Variants in PCDH9 observed in about 807,000 individuals in gnomAD.
The protein encoded by PCDH9 is protocadherin 9.
In PCDH9, 24 loss-of-function variants were observed where a neutral mutation model predicts 70.6. The ratio of observed to expected loss-of-function variants is 0.34; its 90% CI spans 0.25 to 0.48. The LOEUF is 0.48. Among genes scored for constraint, PCDH9 ranks in the 20% least tolerant of loss-of-function variants. The pLI, the probability that PCDH9 is intolerant of heterozygous loss-of-function variation, is 0.99. For synonymous variants in PCDH9, 562 were observed against 558.5 expected (o/e 1.01, Z -0.09); for missense variants, 1,281 against 1,503.6 (o/e 0.85, Z 2.45).
chr13:66,401,191 C>T (rs1039178657), intron 4 of PCDH9, among the ~76,000 whole-genome samples: 1 of 152,012 alleles, frequency 6.6e-6, no homozygotes, highest in Non-Finnish European at 1.5e-5. Context: ...GTGTCCCCAC[C>T]CAAATCTCAT....
At chr13:67,143,625 A>G (rs2087450934) in intron 2 of PCDH9, among the ~76,000 whole-genome samples, 1 of 152,172 alleles carries the variant, frequency 6.6e-6, no homozygotes, top group Non-Finnish European at 1.5e-5. Flanking sequence ...TATTGAAAAA[A>G]GTAGGAGAGC....
intron 2 of PCDH9, among the ~76,000 whole-genome samples, chr13:67,200,120 A>T (rs1359038389): frequency 6.6e-6 from 1 of 152,096 alleles, no homozygotes; most frequent in Non-Finnish European, 1.5e-5. Flanking sequence ...ATCCTTAAAA[A>T]ATGGGACACT....
At chr13:66,836,008 CAA>C (rs923855585) in intron 3 of PCDH9, among the ~76,000 whole-genome samples, 7 of 151,772 alleles carry the variant, frequency 4.6e-5, no homozygotes, top group African/African-American at 1.7e-4. Context: ...TGAGAAATAC[CAA>C]AGTTTGAACA....
At chr13:66,334,127 C>G (rs1357503648) in intron 4 of PCDH9, among the ~76,000 whole-genome samples, 2 of 152,060 alleles carry the variant, frequency 1.3e-5, no homozygotes, top group African/African-American at 4.8e-5. Flanking sequence ...CAAACACATA[C>G]TACTTATTTC....
rs183186140 is a variant in PCDH9, at chr13:67,014,572, C to G, written c.3037-110967G>C. 2.9e-4 allele frequency among the ~76,000 whole-genome samples: 44 copies of G among 152,126 alleles called. No individual in the cohort carries two copies. The Middle Eastern group carries it at 0.017, about 59-fold the overall frequency. ...TGGCTTCCTTTCTTATTTTCTTTAA[C>G]AAGATTCTGAGCCACACCCACTCTA... is the stretch of plus-strand genomic sequence containing the variant. On this transcript the variant is annotated intron_variant, in intron 2 of 4. Coordinates refer to ENST00000377865, the MANE Select transcript of PCDH9 (RefSeq NM_203487.3).
intron 2 of PCDH9, among the ~76,000 whole-genome samples, chr13:67,123,746 C>T (rs1223441859): frequency 6.6e-6 from 1 of 151,628 alleles, no homozygotes; most frequent in Non-Finnish European, 1.5e-5. Context: ...CAAATTGGTT[C>T]CAAATATTAA....
intron 2 of PCDH9, among the ~76,000 whole-genome samples, chr13:67,143,813 ACT>A (rs1459427301): frequency 6.6e-6 from 1 of 151,694 alleles, no homozygotes; most frequent in African/African-American, 2.4e-5. Flanking sequence ...TCCATTTGAA[ACT>A]CTATGTTAAA....
chr13:66,676,378 T>A (rs1455385011), intron 3 of PCDH9, among the ~76,000 whole-genome samples: 1 of 149,552 alleles, frequency 6.7e-6, no homozygotes, highest in African/African-American at 2.4e-5. Context: ...TTCTATTCCA[T>A]AGAACTAAGC....
rs893981786 is a variant in PCDH9 at position 67,097,952 on chromosome 13, T to C, written c.3036+127453A>G. Among the ~76,000 whole-genome samples the C allele has an allele frequency of 2.6e-5, 4 of 152,156 alleles. No homozygotes were observed. In the East Asian group the frequency reaches 5.8e-4, roughly 22 times the overall value. ...ATCCACACTCATAAATAAAAAGTTA[T>C]AAAATTAATATTGCAGAACTAAAGC... On this transcript the variant is annotated intron_variant, in intron 2 of 4. Coordinates refer to ENST00000377865, the MANE Select transcript of PCDH9 (RefSeq NM_203487.3).
chr13:66,912,472 C>T (rs933208936), intron 2 of PCDH9, among the ~76,000 whole-genome samples: 5 of 151,856 alleles, frequency 3.3e-5, no homozygotes, highest in African/African-American at 1.2e-4. Context: ...TATTCTCCTT[C>T]TATACAAAGG....
chr13:66,762,007 T>C (rs967491908), intron 3 of PCDH9, among the ~76,000 whole-genome samples: 1 of 152,058 alleles, frequency 6.6e-6, no homozygotes, highest in South Asian at 2.1e-4. Context: ...ATTTGCAGTA[T>C]GGATTTGTCT....
At chr13:66,359,309 T>A (rs1956430885) in intron 4 of PCDH9, among the ~76,000 whole-genome samples, 1 of 151,974 alleles carries the variant, frequency 6.6e-6, no homozygotes, top group Non-Finnish European at 1.5e-5. Flanking sequence ...GCTGTTGATA[T>A]CCTTCATTAG....
chr13:66,610,954 A>G (rs1193178817), intron 4 of PCDH9, among the ~76,000 whole-genome samples: 1 of 152,160 alleles, frequency 6.6e-6, no homozygotes, highest in Non-Finnish European at 1.5e-5. Flanking sequence ...AACATAAAAG[A>G]TAATGTACTC....
intron 2 of PCDH9, among the ~76,000 whole-genome samples, chr13:66,980,718 G>GTT (rs1053928621): frequency 3.1e-5 from 1 of 32,332 alleles, no homozygotes; most frequent in Non-Finnish European, 7.0e-5. Context: ...GTTTTTTCCT[G>GTT]TTTTTTTCTT....
chr13:66,563,036 G>A (rs935604465), intron 4 of PCDH9, among the ~76,000 whole-genome samples: 6 of 151,868 alleles, frequency 4.0e-5, no homozygotes, highest in Non-Finnish European at 5.9e-5. Flanking sequence ...CGAATTCATT[G>A]ACTTTTGAGA....
chr13:66,565,418 C>T (rs575809830), intron 4 of PCDH9, among the ~76,000 whole-genome samples: 1 of 152,232 alleles, frequency 6.6e-6, no homozygotes, highest in South Asian at 2.1e-4. Flanking sequence ...GTATGAGAAA[C>T]CTAGAAAGTG....
intron 3 of PCDH9, among the ~76,000 whole-genome samples, chr13:66,887,209 A>G (rs892029225): frequency 6.6e-6 from 1 of 151,898 alleles, no homozygotes; most frequent in Non-Finnish European, 1.5e-5. Context: ...CTATTAGTGA[A>G]TGTCTGGGCA....
intron 4 of PCDH9, among the ~76,000 whole-genome samples, chr13:66,487,183 A>G (rs935432966): frequency 1.3e-5 from 2 of 152,224 alleles, no homozygotes; most frequent in Admixed American, 6.5e-5. Flanking sequence ...ATGCAGTGCT[A>G]TAGATTTCCA....
chr13:66,731,173 T>C (rs7324148), intron 3 of PCDH9, among the ~76,000 whole-genome samples: 147,305 of 152,060 alleles, frequency 0.97, 71,533 homozygotes, highest in East Asian at 1. Flanking sequence ...GAGGAAATGA[T>C]GACAATCAGA....
Sources: gnomAD v4.1 joint callset for allele counts (sites outside exome capture counted in the v4.1 genomes callset) on GRCh38, gnomAD v4.1.1 for gene constraint, MANE v1.5 for transcripts, NCBI Gene and HGNC (gene_info 2026-07-23, HGNC 2026-07-21) for gene names.